The following CADPS2 variants were observed in gnomAD, a reference collection of about 807,000 sequenced individuals.
CADPS2 encodes the protein calcium-dependent secretion activator 2.
A neutral mutation model predicts 172.5 loss-of-function variants in CADPS2; 93 were observed. The ratio of observed to expected loss-of-function variants is 0.54; its 90% CI spans 0.46 to 0.64. The LOEUF (loss-of-function observed/expected upper bound fraction) is 0.64. Among genes scored for constraint, CADPS2 ranks in the 30% least tolerant of loss-of-function variants. The pLI, the probability that CADPS2 is intolerant of heterozygous loss-of-function variation, is 0.00. For missense variants in CADPS2, 1,420 were observed against 1,565.9 expected (o/e 0.91, Z 1.57); for synonymous variants, 546 against 555.2 (o/e 0.98, Z 0.23).
intron 2 of CADPS2, among the ~76,000 whole-genome samples, chr7:122,725,398 G>A (rs72607714): frequency 0.072 from 10,912 of 151,750 alleles, 428 homozygotes; most frequent in South Asian, 0.17. Context: ...TGGATGGATG[G>A]ATGGATGGAT....
intron 2 of CADPS2, among the ~76,000 whole-genome samples, chr7:122,732,832 T>A (rs972298177): frequency 3.5e-5 from 5 of 143,592 alleles, no homozygotes; most frequent in African/African-American, 1.3e-4. Flanking sequence ...TTATATATAA[T>A]ATACATTATA....
chr7:122,789,481 G>A (rs1794796516), intron 1 of CADPS2, among the ~76,000 whole-genome samples: 1 of 152,072 alleles, frequency 6.6e-6, no homozygotes, highest in East Asian at 1.9e-4. Flanking sequence ...ATCTGTTAAG[G>A]AATATAAAAA....
chr7:122,800,718 G>A (rs1001558918), intron 1 of CADPS2, among the ~76,000 whole-genome samples: 4 of 152,168 alleles, frequency 2.6e-5, no homozygotes, highest in African/African-American at 9.7e-5. Flanking sequence ...GCTGGGTGTG[G>A]TGGCTCACGT....
At position 122,373,964 on chromosome 7, in the gene CADPS2, A is replaced by G. The variant is rs375195926; in HGVS notation, c.3387+5404T>C. Among the ~76,000 whole-genome samples the G allele has an allele frequency of 1.8e-3, 274 of 152,306 alleles. 2 individuals are homozygous for G. The highest frequency in any genetic ancestry group is 0.016 in the South Asian group (79 of 4,828). ...GACAAAAGATACTGCCAGAAAAGAA[A>G]ACTATAAGCCAAGATAAACATGGAT... On this transcript the variant is annotated intron_variant, in intron 25 of 29. Coordinates refer to ENST00000449022, the MANE Select transcript of CADPS2 (RefSeq NM_017954.11).
chr7:122,411,515 T>G (rs967345662), intron 19 of CADPS2, among the ~76,000 whole-genome samples: 3 of 152,070 alleles, frequency 2.0e-5, no homozygotes, highest in Admixed American at 6.6e-5. Context: ...CCACCGCACC[T>G]GGCCTTATTA....
intron 1 of CADPS2, among the ~76,000 whole-genome samples, chr7:122,814,308 T>C (rs752009441): frequency 6.6e-6 from 1 of 151,958 alleles, no homozygotes; most frequent in Non-Finnish European, 1.5e-5. Flanking sequence ...TGACATGATA[T>C]CTTCTTAACT....
At chr7:122,507,273 GA>G (rs2059679066) in intron 9 of CADPS2, among the ~76,000 whole-genome samples, 1 of 152,056 alleles carries the variant, frequency 6.6e-6, no homozygotes, top group African/African-American at 2.4e-5. Flanking sequence ...CATGCATGGG[GA>G]AAATAAAAGC....
chr7:122,433,795 C>T (rs1348112912), intron 17 of CADPS2, among the ~76,000 whole-genome samples: 2 of 152,158 alleles, frequency 1.3e-5, no homozygotes, highest in African/African-American at 4.8e-5. Flanking sequence ...GTATGGATTG[C>T]TAAGTCACTG....
chr7:122,560,369 T>C (rs1459105584), intron 7 of CADPS2, among the ~76,000 whole-genome samples: 1 of 152,192 alleles, frequency 6.6e-6, no homozygotes, highest in Non-Finnish European at 1.5e-5. Context: ...TGTTATCCTA[T>C]ATAGGTAACA....
intron 6 of CADPS2, among the ~76,000 whole-genome samples, chr7:122,594,278 A>G (rs571949766): frequency 2.4e-4 from 34 of 140,784 alleles, no homozygotes; most frequent in Admixed American, 7.4e-4. Context: ...CAAAAAGGGG[A>G]AAAAAAAATT....
At chr7:122,795,959 C>T (rs1007332060) in intron 1 of CADPS2, among the ~76,000 whole-genome samples, 26 of 152,106 alleles carry the variant, frequency 1.7e-4, no homozygotes, top group African/African-American at 6.3e-4. Context: ...ATCTAGAAAA[C>T]CCCATAGCAT....
chr7:122,705,506 A>G (rs1362124278), intron 2 of CADPS2, among the ~76,000 whole-genome samples: 1 of 110,202 alleles, frequency 9.1e-6, no homozygotes, highest in Non-Finnish European at 1.8e-5. Flanking sequence ...TATATTATAT[A>G]TTATCTATAT....
chr7:122,749,227 G>A (rs77711660), intron 1 of CADPS2, among the ~76,000 whole-genome samples: 1 of 152,088 alleles, frequency 6.6e-6, no homozygotes, highest in African/African-American at 2.4e-5. Context: ...GAAATCAATG[G>A]GTAAGGGAAA....
intron 25 of CADPS2, among the ~76,000 whole-genome samples, chr7:122,368,838 A>T (rs1226092531): frequency 6.6e-6 from 1 of 152,044 alleles, no homozygotes; most frequent in Non-Finnish European, 1.5e-5. Context: ...TGTGCGTAGG[A>T]CTTTTGTTCT....
chr7:122,858,952 C>T (rs1816138594), intron 1 of CADPS2, among the ~76,000 whole-genome samples: 1 of 152,132 alleles, frequency 6.6e-6, no homozygotes, highest in South Asian at 2.1e-4. Flanking sequence ...CTACCTACTG[C>T]AAGAATTACA....
chr7:122,683,752 A>AC (rs2083323312), intron 2 of CADPS2, among the ~76,000 whole-genome samples: 1 of 151,472 alleles, frequency 6.6e-6, no homozygotes, highest in East Asian at 1.9e-4. Context: ...GAAGAAAAAA[A>AC]AAACAAACAG....
intron 17 of CADPS2, among the ~76,000 whole-genome samples, chr7:122,419,316 C>T (rs552903356): frequency 9.9e-5 from 15 of 152,250 alleles, no homozygotes; most frequent in South Asian, 2.1e-4. Flanking sequence ...CACGATAAAA[C>T]GCAGCTGTAG....
In CADPS2 at chr7:122,722,114, C is replaced by T. The variant is rs1330942242; in HGVS notation, c.453+14841G>A. Among the ~76,000 whole-genome samples, 6 of 152,102 alleles carry T rather than the reference C, an allele frequency of 3.9e-5. No homozygotes were observed. In the South Asian group the frequency reaches 1.2e-3, roughly 32 times the overall value. On this transcript the variant is annotated intron_variant, in intron 2 of 29. Transcript: ENST00000449022. ...TGAATGGGCAAAAACTGGAAGCATT[C>T]CCTTTGAAAACTGGCACAACACAGG...
intron 14 of CADPS2, among the ~76,000 whole-genome samples, chr7:122,463,916 T>C (rs1178152093): frequency 2.0e-5 from 3 of 152,310 alleles, no homozygotes; most frequent in South Asian, 4.1e-4. Context: ...GTTGATGTCC[T>C]AGATTCCAGT....
Sources: gnomAD v4.1 joint callset for allele counts (sites outside exome capture counted in the v4.1 genomes callset) on GRCh38, gnomAD v4.1.1 for gene constraint, MANE v1.5 for transcripts, NCBI Gene and HGNC (gene_info 2026-07-23, HGNC 2026-07-21) for gene names.